PUDP: variants seen among roughly 807,000 people sequenced by gnomAD.
PUDP encodes the protein pseudouridine 5'-phosphatase.
PUDP carries 8 observed loss-of-function variants against 9.4 expected under a neutral mutation model. The ratio of observed to expected loss-of-function variants is 0.85; its 90% CI spans 0.50 to 1.53. PUDP has a LOEUF of 1.53. PUDP is among the 40% of genes most tolerant of loss of function. The pLI is 0.00. For synonymous variants in PUDP, 99 were observed against 80.7 expected (o/e 1.23, Z -1.22); for missense variants, 188 against 189.7 (o/e 0.99, Z 0.05).
At chrX:6,924,437 T>C (rs1928070885) in intron 3 of PUDP, among the ~76,000 whole-genome samples, 1 of 112,472 alleles carries the variant, frequency 8.9e-6, no homozygotes. Context: ...GAGTATCCTT[T>C]ACCTGAAATG....
At position 7,050,285 on chromosome X, in the gene PUDP, G is replaced by A; in HGVS notation, c.*11C>T. 1.7e-6 allele frequency: 2 copies of A among 1,205,219 alleles called. No homozygotes were observed. The highest frequency in any genetic ancestry group is 3.6e-5 in the South Asian group (2 of 56,314). ...GAGTGGGCTGGGGGCGGAAGACTGAGGCCCTCCCTCTCACTCATAGGAGGG... is the reference window on the plus strand; with the variant it reads ...GAGTGGGCTGGGGGCGGAAGACTGAAGCCCTCCCTCTCACTCATAGGAGGG... On this transcript the variant is annotated 3_prime_UTR_variant, in exon 4 of 4. Coordinates refer to ENST00000381077, the MANE Select transcript of PUDP (RefSeq NM_012080.5).
intron 3 of PUDP, among the ~76,000 whole-genome samples, chrX:6,758,653 A>G (rs751476492): frequency 9.8e-4 from 109 of 111,253 alleles, no homozygotes; most frequent in African/African-American, 3.3e-3. Flanking sequence ...TAGCACAGAA[A>G]AGGGAGACTT....
intron 1 of PUDP, among the ~76,000 whole-genome samples, chrX:7,027,664 ATATAGAATATATCCTATATATT>A (rs1452994587): frequency 3.0e-5 from 3 of 100,760 alleles, no homozygotes; most frequent in Non-Finnish European, 5.9e-5. Flanking sequence ...TATATAATAT[ATATAGAATATATCCTATATATT>A]TAGAATATAT....
rs1252377424 is a variant in PUDP at position 7,105,794 on chromosome X, G to A, written c.106C>T (p.Arg36Cys). Residue 36 changes from arginine (R) to cysteine (C), a missense_variant, in exon 2 of 4, where the codon CGC becomes TGC. Coordinates refer to ENST00000381077, the MANE Select transcript of PUDP (RefSeq NM_012080.5). ...YSVVFQEICN[R>C]YDKKYSWDVK... ...TCCCAGCTGTATTTCTTGTCATAGC[G>A]ATTACATATTTCTTGAAACACCACT... 27 of 1,208,305 alleles carry A rather than the reference G, an allele frequency of 2.2e-5. No homozygotes were observed. The highest frequency in any genetic ancestry group is 3.5e-5 in the South Asian group (2 of 56,586).
chrX:6,883,902 A>G (rs1027994365), intron 3 of PUDP, among the ~76,000 whole-genome samples: 3 of 111,369 alleles, frequency 2.7e-5, no homozygotes, highest in Non-Finnish European at 5.7e-5. Context: ...GTGCAGCGGC[A>G]CGATCTCGGC....
chrX:7,138,578 G>A (rs942240949), intron 1 of PUDP, among the ~76,000 whole-genome samples: 1 of 110,849 alleles, frequency 9.0e-6, no homozygotes, highest in East Asian at 2.8e-4. Flanking sequence ...TCGCCATGTT[G>A]GCCGGGGTGG....
At chrX:6,942,114 T>C (rs965398588) in intron 3 of PUDP, among the ~76,000 whole-genome samples, 2 of 111,422 alleles carry the variant, frequency 1.8e-5, no homozygotes, top group African/African-American at 6.5e-5. Flanking sequence ...ATGTTTACTA[T>C]TCTGGCAATA....
At chrX:6,897,519 T>A (rs192189935) in intron 3 of PUDP, among the ~76,000 whole-genome samples, 4 of 111,671 alleles carry the variant, frequency 3.6e-5, no homozygotes, top group Non-Finnish European at 7.5e-5. Context: ...GTCAGACTGT[T>A]GAATTTCAGT....
intron 1 of PUDP, among the ~76,000 whole-genome samples, chrX:7,011,826 A>G (rs1328781941): frequency 1.8e-5 from 2 of 112,477 alleles, no homozygotes; most frequent in Non-Finnish European, 3.7e-5. Flanking sequence ...AAAGAAACTG[A>G]GTAGGCACCT....
intron 1 of PUDP, among the ~76,000 whole-genome samples, chrX:6,720,258 G>GTATATA (rs543397118): frequency 0.071 from 3,465 of 48,557 alleles, 161 homozygotes; most frequent in East Asian, 0.13. Flanking sequence ...GTGTGTGTGT[G>GTATATA]TATATATATA....
chrX:6,968,530 C>T (rs921029372), intron 3 of PUDP, among the ~76,000 whole-genome samples: 5 of 111,168 alleles, frequency 4.5e-5, no homozygotes, highest in Admixed American at 9.5e-5. Context: ...CGTCTCTCTG[C>T]GGGAGAGTTT....
intron 3 of PUDP, among the ~76,000 whole-genome samples, chrX:6,843,523 C>G (rs1250913341): frequency 1.8e-5 from 2 of 111,826 alleles, no homozygotes; most frequent in Non-Finnish European, 3.8e-5. Context: ...ATAAGAGGAA[C>G]TAAGCCACAC....
At chrX:6,862,808 T>C (rs1469575809) in intron 3 of PUDP, among the ~76,000 whole-genome samples, 1 of 111,351 alleles carries the variant, frequency 9.0e-6, no homozygotes, top group Admixed American at 9.6e-5. Context: ...TGTTGGCTGA[T>C]TATTAATTTG....
At chrX:6,753,050 G>C (rs781417134) in intron 3 of PUDP, among the ~76,000 whole-genome samples, 5 of 110,599 alleles carry the variant, frequency 4.5e-5, no homozygotes, top group Admixed American at 1.9e-4. Flanking sequence ...GTGGTGATTT[G>C]TGAGATTTCG....
chrX:7,068,149 T>C (rs143922093), intron 3 of PUDP, among the ~76,000 whole-genome samples: 1,983 of 112,123 alleles, frequency 0.018, 37 homozygotes, highest in African/African-American at 0.059. Flanking sequence ...AGGGTTTCTT[T>C]GCCAAAGTTT....
chrX:6,778,488 T>C (rs1925504205), intron 3 of PUDP, among the ~76,000 whole-genome samples: 1 of 112,648 alleles, frequency 8.9e-6, no homozygotes, highest in African/African-American at 3.2e-5. Flanking sequence ...CTCCTCAAGT[T>C]CCCCTGCATG....
At chrX:6,934,578 C>T (rs368736616) in intron 3 of PUDP, among the ~76,000 whole-genome samples, 13 of 108,521 alleles carry the variant, frequency 1.2e-4, no homozygotes, top group Non-Finnish European at 2.5e-4. Context: ...CATCGACTAA[C>T]GAGCAAAATA....
chrX:6,801,651 T>C (rs1925935942), intron 3 of PUDP, among the ~76,000 whole-genome samples: 1 of 112,548 alleles, frequency 8.9e-6, no homozygotes, highest in African/African-American at 3.2e-5. Context: ...CTTGTATTCC[T>C]GTGGCCACCA....
chrX:7,050,584 A>G, intron 3 of PUDP, 112 bp from the exon 4 acceptor site: 1 of 682,425 alleles, frequency 1.5e-6, no homozygotes, highest in Non-Finnish European at 2.2e-6. Flanking sequence ...AAGAGACAGA[A>G]TTACAGTGGG....
Sources: gnomAD v4.1 joint callset for allele counts (sites outside exome capture counted in the v4.1 genomes callset) on GRCh38, gnomAD v4.1.1 for gene constraint, MANE v1.5 for transcripts, NCBI Gene and HGNC (gene_info 2026-07-23, HGNC 2026-07-21) for gene names.